Variants in RSPO3 observed in about 807,000 individuals in gnomAD.
The protein encoded by RSPO3 is R-spondin 3.
RSPO3 carries 17 observed loss-of-function variants against 36.5 expected under a neutral mutation model. That is an observed-to-expected ratio of 0.47 (90% CI 0.32 to 0.70). The LOEUF (loss-of-function observed/expected upper bound fraction) is 0.70. Among genes scored for constraint, RSPO3 ranks in the 30% least tolerant of loss-of-function variants. The pLI, the probability that RSPO3 is intolerant of heterozygous loss-of-function variation, is 0.04. For missense variants in RSPO3, 294 were observed against 322.5 expected (o/e 0.91, Z 0.68); for synonymous variants, 108 against 107.0 (o/e 1.01, Z -0.06).
intron 1 of RSPO3, among the ~76,000 whole-genome samples, chr6:127,143,174 T>C (rs1774313976): frequency 6.6e-6 from 1 of 152,150 alleles, no homozygotes; most frequent in Admixed American, 6.6e-5. Context: ...AAACACTTTA[T>C]TGAGAACCTA....
In RSPO3 at chr6:127,197,770, C is replaced by T; in HGVS notation, c.*1763C>T. On this transcript the variant is annotated 3_prime_UTR_variant, in exon 5 of 5. Coordinates refer to ENST00000356698, the MANE Select transcript of RSPO3 (RefSeq NM_032784.5). ...TATAAACATTTTAAATGATTTATTC[C>T]TGTTTCTTATTCTGGTGTTTCTTTC... 1 of 393,318 alleles carries T rather than the reference C, an allele frequency of 2.5e-6. No individual in the cohort carries two copies. Among genetic ancestry groups the T allele is most frequent in the Non-Finnish European group, 4.5e-6 (1 of 221,818 alleles). The allele number at this position is 393,318 out of a possible 1,614,324, so 24.4% of individuals were successfully genotyped here.
chr6:127,163,692 T>C (rs1263359115), intron 4 of RSPO3, among the ~76,000 whole-genome samples: 1 of 110,406 alleles, frequency 9.1e-6, no homozygotes, highest in African/African-American at 3.5e-5. Flanking sequence ...TCAGTTTCTC[T>C]AAAAAATTAT....
intron 4 of RSPO3, among the ~76,000 whole-genome samples, chr6:127,169,968 C>T (rs1437601297): frequency 1.3e-5 from 2 of 151,778 alleles, no homozygotes; most frequent in Non-Finnish European, 2.9e-5. Context: ...AATGGCTATT[C>T]TAGCACTTTG....
intron 1 of RSPO3, among the ~76,000 whole-genome samples, chr6:127,124,562 G>GT (rs34997338): frequency 5.9e-4 from 87 of 148,624 alleles, no homozygotes; most frequent in South Asian, 1.5e-3. Context: ...AAATTGCACA[G>GT]TTTTTTTTTT....
intron 1 of RSPO3, among the ~76,000 whole-genome samples, chr6:127,136,797 A>C (rs1391930400): frequency 6.6e-6 from 1 of 152,100 alleles, no homozygotes; most frequent in African/African-American, 2.4e-5. Context: ...TGAAGTTCCT[A>C]CTATTAGTAT....
In RSPO3 at chr6:127,167,597, C is replaced by G. The variant is rs181233442; in HGVS notation, c.634+12159C>G. Among the ~76,000 whole-genome samples, 227 of 151,658 alleles carry G rather than the reference C, an allele frequency of 1.5e-3. 1 individual carries two copies. The highest frequency in any genetic ancestry group is 5.3e-3 in the African/African-American group (219 of 41,394). The stretch of plus-strand genomic sequence containing the variant: ...GCAGTGAACATATGAATGCATGTAG[C>G]TTTATAATAGAATGATTTTTTTTAT... On this transcript the variant is annotated intron_variant, in intron 4 of 4. Transcript: ENST00000356698.
chr6:127,119,605 C>T (rs2114526122), intron 1 of RSPO3, among the ~76,000 whole-genome samples: 1 of 152,364 alleles, frequency 6.6e-6, no homozygotes, highest in South Asian at 2.1e-4. Context: ...TTTGTGCTTT[C>T]CTTTTGAGGA....
intron 4 of RSPO3, among the ~76,000 whole-genome samples, chr6:127,164,372 T>C (rs542309307): frequency 7.9e-5 from 12 of 152,108 alleles, no homozygotes; most frequent in African/African-American, 1.4e-4. Flanking sequence ...TAGAAACGTA[T>C]GTTTTTCTAC....
intron 3 of RSPO3, among the ~76,000 whole-genome samples, chr6:127,154,791 A>G (rs1774560123): frequency 6.6e-6 from 1 of 152,130 alleles, no homozygotes. Context: ...GCTAATGGAG[A>G]AAGGTCCAGA....
intron 4 of RSPO3, among the ~76,000 whole-genome samples, chr6:127,188,775 C>T (rs923027515): frequency 1.1e-4 from 17 of 152,182 alleles, no homozygotes; most frequent in African/African-American, 4.1e-4. Flanking sequence ...CTTTTCCTTG[C>T]CCAGCAAATT....
chr6:127,138,090 T>C (rs997917591), intron 1 of RSPO3, among the ~76,000 whole-genome samples: 1 of 152,202 alleles, frequency 6.6e-6, no homozygotes, highest in African/African-American at 2.4e-5. Context: ...CTAAATCCAC[T>C]GGATTCACTT....
At chr6:127,175,727 T>C (rs2114624435) in intron 4 of RSPO3, among the ~76,000 whole-genome samples, 1 of 151,842 alleles carries the variant, frequency 6.6e-6, no homozygotes, top group African/African-American at 2.4e-5. Flanking sequence ...ACTGATTTTG[T>C]TGTTACTCAG....
intron 3 of RSPO3, among the ~76,000 whole-genome samples, chr6:127,151,934 G>C (rs540766545): frequency 2.4e-4 from 36 of 152,208 alleles, no homozygotes; most frequent in African/African-American, 8.7e-4. Flanking sequence ...TTCAAGAGCA[G>C]AAATTCAGGA....
At chr6:127,120,333 T>C (rs1773817156) in intron 1 of RSPO3, among the ~76,000 whole-genome samples, 1 of 152,154 alleles carries the variant, frequency 6.6e-6, no homozygotes, top group Admixed American at 6.5e-5. Context: ...TTCGCAGATC[T>C]CAGAGCAGGG....
chr6:127,155,490 A>G (rs1774578013), intron 4 of RSPO3, 52 bp downstream of exon 4: 1 of 1,508,954 alleles, frequency 6.6e-7, no homozygotes, highest in Non-Finnish European at 9.1e-7. Context: ...AATCTGTTGC[A>G]TTTTTCATTT....
rs763226451 is a variant in RSPO3, at chr6:127,144,643, G to GTTTTTTTGTTTTTTTTT, written c.98-3998_98-3997insGTTTTTTTTTTTTTTTT. Among the ~76,000 whole-genome samples the GTTTTTTTGTTTTTTTTT allele has an allele frequency of 1.9e-4, 19 of 99,126 alleles. 1 individual carries two copies. The highest frequency in any genetic ancestry group is 4.2e-4 in the African/African-American group (10 of 24,076). The allele number at this position is 99,126 out of a possible 152,430, so 65.0% of individuals were successfully genotyped here. On this transcript the variant is annotated intron_variant, in intron 1 of 4. Transcript: ENST00000356698. ...TGTAATTTTTCAGTAGCTTCCCCTT[G>GTTTTTTTGTTTTTTTTT]TTTTTTTTTTTTTCAGACAGAGTCT...
Position 127,177,882 on chromosome 6 carries a change from T to C in RSPO3, c.635-17941T>C, listed in dbSNP as rs578258584. Among the ~76,000 whole-genome samples the C allele has an allele frequency of 7.8e-4, 119 of 151,818 alleles. 1 individual carries two copies. In the Middle Eastern group the frequency reaches 0.024, roughly 31 times the overall value. ...TGGTCTTAAAGTTTTGTTTGTGTTATTATAGTTCTCTTGGTTTTTTTTTTA... is the reference window on the plus strand; with the variant it reads ...TGGTCTTAAAGTTTTGTTTGTGTTACTATAGTTCTCTTGGTTTTTTTTTTA... On this transcript the variant is annotated intron_variant, in intron 4 of 4. Coordinates refer to ENST00000356698, the MANE Select transcript of RSPO3 (RefSeq NM_032784.5).
intron 1 of RSPO3, among the ~76,000 whole-genome samples, chr6:127,136,933 G>A (rs1774172651): frequency 1.3e-5 from 2 of 152,290 alleles, no homozygotes; most frequent in South Asian, 4.1e-4. Context: ...GAATACCCAT[G>A]AATGAGCTTA....
chr6:127,141,770 T>G (rs1774274833), intron 1 of RSPO3, among the ~76,000 whole-genome samples: 1 of 152,160 alleles, frequency 6.6e-6, no homozygotes, highest in Non-Finnish European at 1.5e-5. Flanking sequence ...AAAGTTCAAT[T>G]AATGTATGTA....
Sources: gnomAD v4.1 joint callset for allele counts (sites outside exome capture counted in the v4.1 genomes callset) on GRCh38, gnomAD v4.1.1 for gene constraint, MANE v1.5 for transcripts, NCBI Gene and HGNC (gene_info 2026-07-23, HGNC 2026-07-21) for gene names.